The following CAMKK1 variants were observed in gnomAD, a reference collection of about 807,000 sequenced individuals.
CAMKK1 encodes the protein calcium/calmodulin dependent protein kinase kinase 1.
A neutral mutation model predicts 63.5 loss-of-function variants in CAMKK1; 20 were observed. The observed-to-expected ratio is 0.32, with a 90% CI of 0.22 to 0.46. CAMKK1 has a LOEUF of 0.46. Ranked by LOEUF, CAMKK1 falls within the 20% of genes least tolerant of loss-of-function variation. The pLI, the probability that CAMKK1 is intolerant of heterozygous loss-of-function variation, is 1.00. For synonymous variants in CAMKK1, 253 were observed against 269.0 expected, an observed-to-expected ratio of 0.94 and a Z score of 0.58; for missense variants, 588 against 658.1, an observed-to-expected ratio of 0.89 and a Z score of 1.17.
intron 14 of CAMKK1, among the ~76,000 whole-genome samples, chr17:3,866,441 G>A (rs2054528432): frequency 1.3e-5 from 2 of 152,244 alleles, no homozygotes; most frequent in Admixed American, 6.5e-5. Flanking sequence ...AGCCGCAGCC[G>A]GTGGCCCAGT....
At chr17:3,878,656 C>T (rs1259448805) in intron 9 of CAMKK1, among the ~76,000 whole-genome samples, 2 of 152,078 alleles carry the variant, frequency 1.3e-5, no homozygotes, top group Admixed American at 6.5e-5. Context: ...AGGAGAGGCT[C>T]GAGCAGGATA....
chr17:3,874,960 A>G (rs1327967805), intron 10 of CAMKK1, among the ~76,000 whole-genome samples: 1 of 151,844 alleles, frequency 6.6e-6, no homozygotes, highest in Non-Finnish European at 1.5e-5. Flanking sequence ...TCTCTACTAA[A>G]AAATACAAAA....
chr17:3,863,217 C>T (rs752481163), intron 15 of CAMKK1, among the ~76,000 whole-genome samples: 3 of 152,114 alleles, frequency 2.0e-5, no homozygotes, highest in South Asian at 2.1e-4. Flanking sequence ...ACTCTATGGC[C>T]GGGCACAGTG....
chr17:3,869,404 C>G, intron 14 of CAMKK1, 83 bp downstream of exon 14: 1 of 1,561,056 alleles, frequency 6.4e-7, no homozygotes, highest in Admixed American at 1.8e-5. Flanking sequence ...AGGCCTCTGT[C>G]CCCCCAAGGA....
chr17:3,881,552 G>A, intron 8 of CAMKK1, 75 bp downstream of exon 8: 2 of 1,433,332 alleles, frequency 1.4e-6, no homozygotes, highest in Non-Finnish European at 1.9e-6. Context: ...TGACCCCTGG[G>A]CTGGGGACAC....
chr17:3,869,030 G>A (rs1431919670), intron 14 of CAMKK1, among the ~76,000 whole-genome samples: 4 of 149,268 alleles, frequency 2.7e-5, no homozygotes, highest in Admixed American at 6.7e-5. Context: ...GTGCAGTGGC[G>A]CGATCTCGGC....
intron 15 of CAMKK1, 87 bp downstream of exon 15, chr17:3,865,821 A>T (rs1283014206): frequency 3.8e-6 from 6 of 1,579,312 alleles, no homozygotes; most frequent in Admixed American, 1.8e-5. Context: ...CCTTGGCCCA[A>T]CGACAGTGAG....
intron 7 of CAMKK1, chr17:3,881,879 C>A: frequency 1.8e-6 from 1 of 565,944 alleles, no homozygotes; most frequent in Non-Finnish European, 3.1e-6. Context: ...TCAGCATCAG[C>A]ATGGGGCCCT....
Position 3,892,006 on chromosome 17 carries a change from G to A in CAMKK1, c.-44+933C>T, listed in dbSNP as rs965611002. Reference sequence around the variant, plus strand: ...TGTGTGCGCCTGGGACGCAGTGGGGGGTCAATTTGTATGTACTGGAGGAAA... The same window carrying A: ...TGTGTGCGCCTGGGACGCAGTGGGGAGTCAATTTGTATGTACTGGAGGAAA... On this transcript the variant is annotated intron_variant, in intron 1 of 15. Coordinates refer to ENST00000348335, the MANE Select transcript of CAMKK1 (RefSeq NM_032294.3). The surrounding 1 kb of genome is among the most constrained non-coding windows in gnomAD (Gnocchi z 7.5). Among the ~76,000 whole-genome samples the A allele has an allele frequency of 2.6e-5, 4 of 152,114 alleles. No individual in the cohort carries two copies. The highest frequency in any genetic ancestry group is 2.6e-4 in the Admixed American group (4 of 15,284).
rs2055699159 is a variant in CAMKK1, at chr17:3,887,398, G to C, written c.-43-1668C>G. ...GAGAGGAGGCTCCACACTAGGAACAGGAAAAGTCATGGAAGCTGGACCCAG... is the reference window on the plus strand; with the variant it reads ...GAGAGGAGGCTCCACACTAGGAACACGAAAAGTCATGGAAGCTGGACCCAG... On this transcript the variant is annotated intron_variant, in intron 1 of 15. Transcript: ENST00000348335. The surrounding 1 kb of genome is among the most constrained non-coding windows in gnomAD (Gnocchi z 6.1). Among the ~76,000 whole-genome samples, 1 of 152,230 alleles carries C rather than the reference G, an allele frequency of 6.6e-6. No homozygotes were observed. Among genetic ancestry groups the C allele is most frequent in the Non-Finnish European group, 1.5e-5 (1 of 68,028 alleles).
rs761030354 is a variant in CAMKK1 at position 3,885,531 on chromosome 17, C to G, written c.157G>C (p.Val53Leu). The change falls in exon 2 of 16, where the codon GTG (valine) becomes CTG (leucine). Residue 53 changes from valine (V) to leucine (L), a missense_variant. Val to Leu is a conservative substitution (Grantham distance 32). Coordinates refer to ENST00000348335, the MANE Select transcript of CAMKK1 (RefSeq NM_032294.3). ...DPPPRARAAS[V>L]IPGSTSRLLP... ...AGTCTTGAAGTACTGCCAGGGATCACAGAGGCAGCTCTGGCCCGTGGTGGG... is the reference window on the plus strand; with the variant it reads ...AGTCTTGAAGTACTGCCAGGGATCAGAGAGGCAGCTCTGGCCCGTGGTGGG... 1.9e-6 allele frequency: 3 copies of G among 1,613,870 alleles called. No individual in the cohort carries two copies. In the African/African-American group the frequency reaches 4.0e-5, roughly 22 times the overall value.
At chr17:3,870,078 CACAG>C (rs1179556199) in intron 12 of CAMKK1, among the ~76,000 whole-genome samples, 190 bp from the exon 13 acceptor site, 1 of 152,190 alleles carries the variant, frequency 6.6e-6, no homozygotes, top group Non-Finnish European at 1.5e-5. Flanking sequence ...AGGACAGAGG[CACAG>C]ACAGAGTTCC....
chr17:3,881,971 A>G, intron 7 of CAMKK1: 1 of 529,890 alleles, frequency 1.9e-6, no homozygotes, highest in Non-Finnish European at 3.3e-6. Flanking sequence ...TAGGGTAGGG[A>G]GTGGAGACTA....
chr17:3,885,897 T>C (rs542767928), intron 1 of CAMKK1, among the ~76,000 whole-genome samples, 167 bp from the exon 2 acceptor site: 1 of 152,324 alleles, frequency 6.6e-6, no homozygotes, highest in South Asian at 2.1e-4. Context: ...CTGAATGAAT[T>C]CACATCGGTT....
At chr17:3,874,710 C>T (rs936882426) in intron 10 of CAMKK1, among the ~76,000 whole-genome samples, 14 of 151,330 alleles carry the variant, frequency 9.3e-5, no homozygotes, top group Middle Eastern at 3.4e-3. Flanking sequence ...GGTTTCACCA[C>T]GTTGGCCAGG....
chr17:3,873,122 G>C (rs1052385207), intron 11 of CAMKK1, among the ~76,000 whole-genome samples: 28 of 152,240 alleles, frequency 1.8e-4, no homozygotes, highest in African/African-American at 6.5e-4. Context: ...GGCTCAATAA[G>C]TGAATGGCGT....
At chr17:3,866,226 G>A (rs762303769) in intron 14 of CAMKK1, among the ~76,000 whole-genome samples, 1 of 152,230 alleles carries the variant, frequency 6.6e-6, no homozygotes, top group Non-Finnish European at 1.5e-5. Flanking sequence ...TGGTACATGA[G>A]GAGGGGGCCG....
intron 9 of CAMKK1, 116 bp downstream of exon 9, chr17:3,880,230 T>A: frequency 1.2e-6 from 1 of 854,490 alleles, no homozygotes; most frequent in Non-Finnish European, 1.9e-6. Flanking sequence ...CCACTGAAGC[T>A]GATTGGCAGG....
intron 1 of CAMKK1, among the ~76,000 whole-genome samples, chr17:3,888,798 C>T (rs983177377): frequency 6.6e-6 from 1 of 152,150 alleles, no homozygotes; most frequent in African/African-American, 2.4e-5. Context: ...CGGGGAGGCC[C>T]GAGGTTCCTG....
Sources: allele counts gnomAD v4.1 joint callset (sites outside exome capture counted in the v4.1 genomes callset), GRCh38; gene constraint gnomAD v4.1.1; non-coding constraint Gnocchi (gnomAD v3.1); transcripts MANE v1.5; gene names NCBI Gene and HGNC (gene_info 2026-07-23, HGNC 2026-07-21).